The following RASA3 variants were observed in gnomAD, a reference collection of about 807,000 sequenced individuals.
RASA3 encodes RAS p21 protein activator 3, also known as ras GTPase-activating protein 3.
RASA3 carries 73 observed loss-of-function variants against 110.0 expected under a neutral mutation model. The ratio of observed to expected loss-of-function variants is 0.66; its 90% CI spans 0.55 to 0.81. The LOEUF (loss-of-function observed/expected upper bound fraction) is 0.81. Ranked by LOEUF, RASA3 falls within the 30% of genes least tolerant of loss-of-function variation. The probability of loss-of-function intolerance (pLI) is 0.00; values close to 1 mark genes in which losing one functional copy is unlikely to be tolerated. For synonymous variants in RASA3, 500 were observed against 451.4 expected (o/e 1.11, Z -1.37); for missense variants, 976 against 1,113.2 (o/e 0.88, Z 1.75).
chr13:114,013,741 G>GCT (rs68147196), intron 14 of RASA3, among the ~76,000 whole-genome samples: 2 of 93,414 alleles, frequency 2.1e-5, no homozygotes, highest in East Asian at 3.6e-4. Flanking sequence ...TCTGTCTCTG[G>GCT]CTCTCTCTCT....
intron 2 of RASA3, among the ~76,000 whole-genome samples, chr13:114,071,807 G>A (rs2079577071): frequency 6.6e-6 from 1 of 152,186 alleles, no homozygotes; most frequent in Admixed American, 6.5e-5. Context: ...TCTCTCCAGG[G>A]CAGGAGACCC....
chr13:114,025,413 G>C (rs1410397826), intron 7 of RASA3, among the ~76,000 whole-genome samples: 1 of 152,078 alleles, frequency 6.6e-6, no homozygotes, highest in Non-Finnish European at 1.5e-5. Flanking sequence ...CCTCCTCCAG[G>C]AAGCCCCCAG....
chr13:114,070,388 C>G (rs1322069597), intron 2 of RASA3, among the ~76,000 whole-genome samples: 1 of 152,116 alleles, frequency 6.6e-6, no homozygotes, highest in African/African-American at 2.4e-5. Context: ...TAATACAGGA[C>G]TCTGTTAATG....
At position 114,027,463 on chromosome 13, in the gene RASA3, T is replaced by C; in HGVS notation, c.531-2A>G. On this transcript the variant is annotated splice_acceptor_variant, in intron 6 of 23. Transcript: ENST00000334062. LOFTEE classifies it high-confidence loss of function. ...ACTTTCGTCTTCTTTGCTTCTGATC[T>C]GTTATCAAGTGAGAAAGGATTGGGA... 1 of 1,607,050 alleles carries C rather than the reference T, an allele frequency of 6.2e-7. No individual in the cohort carries two copies. The highest frequency in any genetic ancestry group is 8.5e-7 in the Non-Finnish European group (1 of 1,173,634).
chr13:113,992,658 A>G (rs1461182310), intron 21 of RASA3, 70 bp from the exon 22 acceptor site: 6 of 1,156,676 alleles, frequency 5.2e-6, no homozygotes, highest in Non-Finnish European at 7.6e-6. Flanking sequence ...AATGACATTC[A>G]TTTTTAAAAT....
chr13:114,091,830 T>C (rs1210386650), intron 1 of RASA3, among the ~76,000 whole-genome samples: 2 of 152,142 alleles, frequency 1.3e-5, no homozygotes, highest in East Asian at 1.9e-4. Context: ...GCCTGGGCTT[T>C]TTCTTTGCTG....
At chr13:114,027,741 C>T (rs997709524) in intron 6 of RASA3, 106 bp downstream of exon 6, 49 of 1,198,616 alleles carry the variant, frequency 4.1e-5, no homozygotes, top group South Asian at 2.7e-4. Context: ...TACCTCAAAG[C>T]GCAACCTCCT....
chr13:113,997,325 T>C (rs563486188), intron 20 of RASA3, among the ~76,000 whole-genome samples: 1 of 152,286 alleles, frequency 6.6e-6, no homozygotes, highest in East Asian at 1.9e-4. Flanking sequence ...CACTCTCCTA[T>C]GTCCCGGAGA....
At chr13:114,050,951 C>T (rs2079134417) in intron 3 of RASA3, among the ~76,000 whole-genome samples, 1 of 152,222 alleles carries the variant, frequency 6.6e-6, no homozygotes, top group Admixed American at 6.5e-5. Flanking sequence ...ATGAAGAAAG[C>T]CCACAGCTGA....
At chr13:114,093,303 C>T (rs1408657314) in intron 1 of RASA3, among the ~76,000 whole-genome samples, 1 of 152,214 alleles carries the variant, frequency 6.6e-6, no homozygotes, top group Non-Finnish European at 1.5e-5. Flanking sequence ...GCCATCTCTC[C>T]TTCATTTCTG....
intron 2 of RASA3, among the ~76,000 whole-genome samples, chr13:114,066,977 CCTA>C (rs2079463915): frequency 6.8e-6 from 1 of 146,520 alleles, no homozygotes; most frequent in Admixed American, 6.8e-5. Flanking sequence ...GACAGGCCCC[CCTA>C]CCTGGGCTGA....
intron 13 of RASA3, 108 bp from the exon 14 acceptor site, chr13:114,015,440 G>T: frequency 7.1e-7 from 1 of 1,416,090 alleles, no homozygotes; most frequent in African/African-American, 1.4e-5. Context: ...GAGGGCGGGC[G>T]CAGGGCAGCT....
chr13:114,020,999 A>G (rs80025018), intron 9 of RASA3, among the ~76,000 whole-genome samples: 1 of 119,408 alleles, frequency 8.4e-6, no homozygotes, highest in Non-Finnish European at 2.1e-5. Flanking sequence ...ATCAGACCCC[A>G]CGAGCTGCTC....
rs1194811503 is a variant in RASA3 at position 114,057,941 on chromosome 13, A to T, written c.174-5786T>A. 1.3e-5 allele frequency among the ~76,000 whole-genome samples: 2 copies of T among 152,084 alleles called. No homozygotes were observed. Among genetic ancestry groups the T allele is most frequent in the African/African-American group, 2.4e-5 (1 of 41,420 alleles). ...TGCAGGTGTTTCCAATGTGCTGAAG[A>T]GGGCAGGGCCTGGCTGAGGCCCTGG... On this transcript the variant is annotated intron_variant, in intron 2 of 23. Coordinates refer to ENST00000334062, the MANE Select transcript of RASA3 (RefSeq NM_007368.4). This position sits in a 1 kb window ranked among gnomAD's most constrained non-coding sequence, Gnocchi z 5.0.
chr13:114,123,088 C>T (rs1375537087), intron 1 of RASA3, among the ~76,000 whole-genome samples: 4 of 152,210 alleles, frequency 2.6e-5, no homozygotes, highest in African/African-American at 7.2e-5. Context: ...CTCCTGCTGC[C>T]GGCATGGCTT....
chr13:114,078,383 C>T (rs2079727860), intron 1 of RASA3, among the ~76,000 whole-genome samples: 1 of 151,964 alleles, frequency 6.6e-6, no homozygotes, highest in African/African-American at 2.4e-5. Flanking sequence ...CTGTGGTATA[C>T]AGTAAGTACC....
chr13:113,998,640 A>G (rs946358205), intron 20 of RASA3, among the ~76,000 whole-genome samples: 6 of 152,228 alleles, frequency 3.9e-5, no homozygotes, highest in African/African-American at 1.4e-4. Context: ...GCCACCACAC[A>G]ATGGTGACGC....
In RASA3 at chr13:114,056,616, G is replaced by T; in HGVS notation, c.174-4461C>A. 1.0e-6 allele frequency: 1 copy of T among 985,250 alleles called. No homozygotes were observed. 61.0% of individuals were successfully genotyped at this position (985,250 alleles called of 1,614,324 possible). On this transcript the variant is annotated intron_variant, in intron 2 of 23. Coordinates refer to ENST00000334062, the MANE Select transcript of RASA3 (RefSeq NM_007368.4). This position sits in a 1 kb window ranked among gnomAD's most constrained non-coding sequence, Gnocchi z 5.7. ...GGTGGGGGGAGGCCCGTGCTGGCTG[G>T]GCACCTGGGAGGGTCCCGTGAGGCT...
At chr13:114,120,118 C>CTT (rs1190904306) in intron 1 of RASA3, among the ~76,000 whole-genome samples, 352 of 11,414 alleles carry the variant, frequency 0.031, 6 homozygotes, top group East Asian at 0.045. Flanking sequence ...GCCCCCCTCC[C>CTT]CTCTCCAGCC....
Sources: gnomAD v4.1 joint callset for allele counts (sites outside exome capture counted in the v4.1 genomes callset) on GRCh38, gnomAD v4.1.1 for gene constraint, Gnocchi (gnomAD v3.1) non-coding constraint, MANE v1.5 for transcripts, NCBI Gene and HGNC (gene_info 2026-07-23, HGNC 2026-07-21) for gene names.